The following GPHN variants were observed in gnomAD, a reference collection of about 807,000 sequenced individuals.
GPHN encodes gephyrin.
In GPHN, 17 loss-of-function variants were observed where a neutral mutation model predicts 95.5. That is an observed-to-expected ratio of 0.18 (90% confidence interval 0.12 to 0.27). GPHN has a LOEUF of 0.27. GPHN is among the 10% of genes least tolerant of loss of function. The pLI is 1.00. For synonymous variants in GPHN, 320 were observed against 322.5 expected, an observed-to-expected ratio of 0.99 and a Z score of 0.08; for missense variants, 660 against 978.1, an observed-to-expected ratio of 0.67 and a Z score of 4.34.
intron 8 of GPHN, among the ~76,000 whole-genome samples, chr14:66,958,263 T>G (rs1406954537): frequency 9.9e-5 from 15 of 152,214 alleles, no homozygotes. Context: ...AGTTTTGGCT[T>G]CAAAGTTGAT....
At chr14:66,529,247 G>T (rs1211264656) in intron 1 of GPHN, among the ~76,000 whole-genome samples, 1 of 151,370 alleles carries the variant, frequency 6.6e-6, no homozygotes, top group Non-Finnish European at 1.5e-5. Context: ...TCTTCTGCTT[G>T]ATCAATTCGG....
chr14:67,575,780 T>C, the GPHN span: 1 of 1,506,128 alleles, frequency 6.6e-7, no homozygotes, highest in Non-Finnish European at 9.2e-7. Flanking sequence ...GACTCCCTCA[T>C]CCCCCACTGG....
chr14:67,581,132 G>C, the GPHN span: 127 of 786,064 alleles, frequency 1.6e-4, no homozygotes, highest in Non-Finnish European at 2.2e-6. Context: ...ATCCAGACGG[G>C]GGGAGGGACC....
At chr14:67,733,956 G>A in the GPHN span, 2 of 764,670 alleles carry the variant, frequency 2.6e-6, no homozygotes, top group East Asian at 2.8e-5. Context: ...CTGGTGCTGC[G>A]AATCCTGCCT....
At chr14:66,638,289 C>G (rs2064209976) in intron 1 of GPHN, among the ~76,000 whole-genome samples, 1 of 152,086 alleles carries the variant, frequency 6.6e-6, no homozygotes, top group South Asian at 2.1e-4. Flanking sequence ...CAAAAATTAG[C>G]TGGGCATGGT....
chr14:67,361,548 T>A, the GPHN span, among the ~76,000 whole-genome samples: 2 of 152,238 alleles, frequency 1.3e-5, no homozygotes, highest in African/African-American at 4.8e-5. Flanking sequence ...ACGAGAGTTG[T>A]CCCCATCACA....
Position 67,111,866 on chromosome 14 carries a change from T to C in GPHN, c.1419T>C (p.Thr473=), listed in dbSNP as rs372465743. ...ATGACCGGCTGTTATTATAGGGCAC[T>C]GAAGAACTTGAAGTGCGAATTCTGG... ...TELIRESDDG[T]EELEVRILVQ... Residue 473 remains threonine (T), a synonymous_variant, in exon 15 of 23, where the codon ACT becomes ACC. Coordinates refer to ENST00000478722, the MANE Select transcript of GPHN (RefSeq NM_020806.5). The C allele has an allele frequency of 6.2e-7, 1 of 1,612,674 alleles. No individual in the cohort carries two copies. The highest frequency in any genetic ancestry group is 8.5e-7 in the Non-Finnish European group (1 of 1,178,688).
At chr14:66,761,868 G>A (rs1293888962) in intron 2 of GPHN, among the ~76,000 whole-genome samples, 1 of 152,074 alleles carries the variant, frequency 6.6e-6, no homozygotes, top group Non-Finnish European at 1.5e-5. Context: ...CACCGTGTTA[G>A]CCAGGATGGT....
chr14:67,340,863 A>AC, the GPHN span, among the ~76,000 whole-genome samples: 1 of 152,034 alleles, frequency 6.6e-6, no homozygotes, highest in Non-Finnish European at 1.5e-5. Context: ...TTTGGTGGAG[A>AC]CGGGGTTTCG....
intron 11 of GPHN, among the ~76,000 whole-genome samples, chr14:67,063,441 T>C (rs1233984880): frequency 6.6e-6 from 1 of 152,216 alleles, no homozygotes; most frequent in Non-Finnish European, 1.5e-5. Context: ...ATGTGAGCTT[T>C]AAAGTAGCCT....
the GPHN span, chr14:67,515,420 C>A: frequency 5.4e-6 from 1 of 184,122 alleles, no homozygotes; most frequent in Non-Finnish European, 1.1e-5. Flanking sequence ...GCGGCGGCGG[C>A]GGCGGCGGCG....
intron 2 of GPHN, among the ~76,000 whole-genome samples, chr14:66,764,722 T>G (rs1003797512): frequency 1.3e-5 from 2 of 151,968 alleles, no homozygotes; most frequent in African/African-American, 4.8e-5. Context: ...TAGCTATATA[T>G]CATCAAGAAA....
chr14:67,093,108 T>G (rs2077206598), intron 12 of GPHN, among the ~76,000 whole-genome samples: 1 of 152,146 alleles, frequency 6.6e-6, no homozygotes, highest in Non-Finnish European at 1.5e-5. Context: ...CCAGGAATTA[T>G]TTTCAGAGTC....
At chr14:67,404,732 C>G in the GPHN span, among the ~76,000 whole-genome samples, 1 of 150,628 alleles carries the variant, frequency 6.6e-6, no homozygotes, top group African/African-American at 2.4e-5. Flanking sequence ...ATCATTTGAG[C>G]CTGGGAGGTC....
the GPHN span, among the ~76,000 whole-genome samples, chr14:67,410,029 C>T: frequency 6.6e-6 from 1 of 152,058 alleles, no homozygotes; most frequent in Non-Finnish European, 1.5e-5. Flanking sequence ...CTGGAATGAG[C>T]TCTAGGTATT....
chr14:67,561,538 T>A, the GPHN span, among the ~76,000 whole-genome samples: 1 of 151,806 alleles, frequency 6.6e-6, no homozygotes, highest in Non-Finnish European at 1.5e-5. Context: ...CACTCCAGCC[T>A]GGGTGATAGA....
At chr14:67,415,769 C>T in the GPHN span, among the ~76,000 whole-genome samples, 7 of 152,112 alleles carry the variant, frequency 4.6e-5, no homozygotes, top group Non-Finnish European at 8.8e-5. Context: ...AAATGTGGTA[C>T]GTATACACCA....
chr14:67,362,836 CT>C, the GPHN span, among the ~76,000 whole-genome samples: 2 of 152,070 alleles, frequency 1.3e-5, no homozygotes, highest in Non-Finnish European at 2.9e-5. Context: ...GGTATGGATT[CT>C]TTTTGTACTT....
the GPHN span, chr14:67,559,680 A>C: frequency 6.2e-7 from 1 of 1,603,780 alleles, no homozygotes; most frequent in South Asian, 1.1e-5. Context: ...GGTGACACTC[A>C]AGTTGGCAAA....
Sources: allele counts gnomAD v4.1 joint callset (sites outside exome capture counted in the v4.1 genomes callset), GRCh38; gene constraint gnomAD v4.1.1; transcripts MANE v1.5; gene names NCBI Gene and HGNC (gene_info 2026-07-23, HGNC 2026-07-21).